The following SORCS1 variants were observed in gnomAD, a reference collection of about 807,000 sequenced individuals.
SORCS1 encodes the protein sortilin related VPS10 domain containing receptor 1.
Under a neutral mutation model 146.1 loss-of-function variants are expected in SORCS1, and 60 were observed. That is an observed-to-expected ratio of 0.41 (90% CI 0.33 to 0.51). The LOEUF (loss-of-function observed/expected upper bound fraction) is 0.51. Ranked by LOEUF, SORCS1 falls within the 20% of genes least tolerant of loss-of-function variation. SORCS1 has a pLI of 0.21. For missense variants in SORCS1, 1,352 were observed against 1,487.6 expected (o/e 0.91, Z 1.50); for synonymous variants, 637 against 584.0 (o/e 1.09, Z -1.31).
intron 1 of SORCS1, among the ~76,000 whole-genome samples, chr10:107,144,408 G>A (rs192254170): frequency 3.9e-5 from 6 of 152,236 alleles, no homozygotes; most frequent in Admixed American, 3.9e-4. Context: ...AAACTGTTGG[G>A]CACATGCATC....
chr10:107,150,926 A>G (rs1273114650), intron 1 of SORCS1, among the ~76,000 whole-genome samples: 2 of 152,190 alleles, frequency 1.3e-5, no homozygotes, highest in African/African-American at 4.8e-5. Flanking sequence ...TCCTTTATAA[A>G]TTGCCCAGTC....
intron 4 of SORCS1, among the ~76,000 whole-genome samples, chr10:106,773,371 T>C (rs1202899520): frequency 6.6e-6 from 1 of 152,194 alleles, no homozygotes; most frequent in East Asian, 1.9e-4. Flanking sequence ...TATTTCCGTA[T>C]CACTGACCCA....
intron 3 of SORCS1, among the ~76,000 whole-genome samples, chr10:106,790,039 G>A (rs770323675): frequency 6.6e-6 from 1 of 152,130 alleles, no homozygotes; most frequent in African/African-American, 2.4e-5. Flanking sequence ...GGGTCGGGTG[G>A]GGACCATCCC....
At chr10:106,621,061 A>T (rs1192654920) in intron 19 of SORCS1, among the ~76,000 whole-genome samples, 1 of 152,212 alleles carries the variant, frequency 6.6e-6, no homozygotes, top group Non-Finnish European at 1.5e-5. Context: ...ATGTGTCTGC[A>T]AAGCTGTCTA....
chr10:107,133,166 T>C (rs943962164), intron 1 of SORCS1, among the ~76,000 whole-genome samples: 1 of 152,148 alleles, frequency 6.6e-6, no homozygotes, highest in Non-Finnish European at 1.5e-5. Flanking sequence ...CAGGAATAAA[T>C]AGGAGCTTGA....
rs117921304 is a variant in SORCS1 at position 107,097,073 on chromosome 10, C to T, written c.558+66896G>A. Among the ~76,000 whole-genome samples, 1,409 of 152,262 alleles carry T rather than the reference C, an allele frequency of 9.3e-3. 18 individuals are homozygous for T. The highest frequency in any genetic ancestry group is 0.01 in the Non-Finnish European group (701 of 68,030). ...CTTTTCGCAAAGTCACAGAAACACA[C>T]GCATTCACTTTTACCATGTCCAATT... On this transcript the variant is annotated intron_variant, in intron 1 of 25. Coordinates refer to ENST00000263054, the MANE Select transcript of SORCS1 (RefSeq NM_052918.5).
At position 107,061,924 on chromosome 10, in the gene SORCS1, G is replaced by A. The variant is rs17122020; in HGVS notation, c.558+102045C>T. 9.4e-3 allele frequency among the ~76,000 whole-genome samples: 1,430 copies of A among 152,200 alleles called. 8 individuals are homozygous for A. Among genetic ancestry groups the A allele is most frequent in the African/African-American group, 0.021 (870 of 41,538 alleles). On this transcript the variant is annotated intron_variant, in intron 1 of 25. Coordinates refer to ENST00000263054, the MANE Select transcript of SORCS1 (RefSeq NM_052918.5). ...ATAAATATTAGAAGAGAATCTGAGCGGACATATTGGTAGCTAACCTTTATT... is the reference window on the plus strand; with the variant it reads ...ATAAATATTAGAAGAGAATCTGAGCAGACATATTGGTAGCTAACCTTTATT...
intron 5 of SORCS1, among the ~76,000 whole-genome samples, chr10:106,734,455 AT>A (rs1856813082): frequency 6.6e-6 from 1 of 152,160 alleles, no homozygotes; most frequent in Non-Finnish European, 1.5e-5. Flanking sequence ...CCATGTTATA[AT>A]TGGTGACTCA....
chr10:106,724,692 T>C (rs1856024032), intron 6 of SORCS1, among the ~76,000 whole-genome samples: 1 of 152,132 alleles, frequency 6.6e-6, no homozygotes, highest in Non-Finnish European at 1.5e-5. Context: ...AAACTAAATT[T>C]TGAATAACAA....
At chr10:106,646,954 GCTT>G (rs1293881934) in intron 18 of SORCS1, among the ~76,000 whole-genome samples, 1 of 145,522 alleles carries the variant, frequency 6.9e-6, no homozygotes, top group Non-Finnish European at 1.5e-5. Context: ...TCCTTGTTCA[GCTT>G]GTTTATGATA....
chr10:107,096,028 C>A (rs1417727775), intron 1 of SORCS1, among the ~76,000 whole-genome samples: 2 of 152,134 alleles, frequency 1.3e-5, no homozygotes, highest in Non-Finnish European at 2.9e-5. Flanking sequence ...GAAACCCTCA[C>A]TGTTTATTCC....
intron 2 of SORCS1, among the ~76,000 whole-genome samples, chr10:106,912,241 A>C (rs1249024754): frequency 6.6e-6 from 1 of 152,180 alleles, no homozygotes; most frequent in Non-Finnish European, 1.5e-5. Flanking sequence ...AAAAGTAAGA[A>C]TGAAATCCAA....
intron 1 of SORCS1, among the ~76,000 whole-genome samples, chr10:107,057,602 T>C (rs953045680): frequency 2.0e-5 from 3 of 149,078 alleles, no homozygotes; most frequent in African/African-American, 7.3e-5. Flanking sequence ...CTCTCTCTTC[T>C]GTTGTCCTCT....
chr10:106,945,779 A>G (rs1033688130), intron 2 of SORCS1, among the ~76,000 whole-genome samples: 7 of 152,228 alleles, frequency 4.6e-5, no homozygotes, highest in African/African-American at 1.7e-4. Flanking sequence ...TGGGGAACTC[A>G]GCAGGGTGTC....
chr10:107,112,248 G>A (rs1022969387), intron 1 of SORCS1, among the ~76,000 whole-genome samples: 1 of 151,998 alleles, frequency 6.6e-6, no homozygotes, highest in Non-Finnish European at 1.5e-5. Context: ...ATAAAAAAAT[G>A]GGAAATGGGG....
At chr10:107,112,871 A>G (rs1029563552) in intron 1 of SORCS1, among the ~76,000 whole-genome samples, 2 of 152,198 alleles carry the variant, frequency 1.3e-5, no homozygotes, top group African/African-American at 4.8e-5. Context: ...AAAATTTCAG[A>G]AATGAAGGGA....
chr10:106,640,749 G>C (rs1212250349), intron 18 of SORCS1, among the ~76,000 whole-genome samples: 1 of 152,162 alleles, frequency 6.6e-6, no homozygotes, highest in African/African-American at 2.4e-5. Flanking sequence ...GTGGTCCAGA[G>C]GACATCCATC....
chr10:107,173,993 G>A, the SORCS1 span, among the ~76,000 whole-genome samples: 8 of 152,048 alleles, frequency 5.3e-5, no homozygotes, highest in South Asian at 2.1e-4. Flanking sequence ...TTCTTCCAGC[G>A]TGTTCTAGAA....
At chr10:106,856,292 G>A (rs1178185457) in intron 2 of SORCS1, among the ~76,000 whole-genome samples, 1 of 152,178 alleles carries the variant, frequency 6.6e-6, no homozygotes, top group Non-Finnish European at 1.5e-5. Context: ...CTCCCAAAAT[G>A]CTGGGATTAC....
Sources: allele counts gnomAD v4.1 joint callset (sites outside exome capture counted in the v4.1 genomes callset), GRCh38; gene constraint gnomAD v4.1.1; transcripts MANE v1.5; gene names NCBI Gene and HGNC (gene_info 2026-07-23, HGNC 2026-07-21).